Variants in EHBP1 observed in about 807,000 individuals in gnomAD.
EHBP1 encodes EH domain-binding protein 1.
A neutral mutation model predicts 144.0 loss-of-function variants in EHBP1; 55 were observed. The observed-to-expected ratio is 0.38, with a 90% CI of 0.31 to 0.48. The LOEUF (loss-of-function observed/expected upper bound fraction) is 0.48, where lower values mean the gene tolerates loss of function less well. EHBP1 is among the 20% of genes least tolerant of loss of function. EHBP1 has a pLI of 0.98. For synonymous variants in EHBP1, 469 were observed against 472.7 expected, an observed-to-expected ratio of 0.99 and a Z score of 0.10; for missense variants, 1,200 against 1,364.2, an observed-to-expected ratio of 0.88 and a Z score of 1.90.
chr2:62,857,201 A>G (rs145352587), intron 7 of EHBP1, among the ~76,000 whole-genome samples: 106 of 152,084 alleles, frequency 7.0e-4, no homozygotes, highest in African/African-American at 2.3e-3. Flanking sequence ...TGCTTTAAGC[A>G]AAAAAAACCT....
At chr2:62,866,808 A>G (rs2050080124) in intron 9 of EHBP1, among the ~76,000 whole-genome samples, 1 of 152,142 alleles carries the variant, frequency 6.6e-6, no homozygotes, top group Non-Finnish European at 1.5e-5. Flanking sequence ...TATTTGAAGA[A>G]GTAAACACCA....
At chr2:62,686,218 C>T (rs906998093) in intron 1 of EHBP1, among the ~76,000 whole-genome samples, 2 of 152,210 alleles carry the variant, frequency 1.3e-5, no homozygotes, top group African/African-American at 2.4e-5. Flanking sequence ...CATTAAACCA[C>T]AGGTCCTTTG....
In EHBP1 at chr2:62,896,984, T is replaced by C. The variant is rs114472587; in HGVS notation, c.1185+22452T>C. Among the ~76,000 whole-genome samples the C allele has an allele frequency of 2.7e-3, 412 of 152,292 alleles. 3 individuals carry two copies. Among genetic ancestry groups the C allele is most frequent in the African/African-American group, 9.3e-3 (385 of 41,556 alleles). ...AGAATTGTTTTAGCTAGATAACATATTAATATGGTTCAAAAATCAAAATAA... is the reference window on the plus strand; with the variant it reads ...AGAATTGTTTTAGCTAGATAACATACTAATATGGTTCAAAAATCAAAATAA... On this transcript the variant is annotated intron_variant, in intron 10 of 22. Coordinates refer to ENST00000431489, the MANE Select transcript of EHBP1 (RefSeq NM_001142616.3).
At chr2:62,855,613 C>G (rs2048994344) in intron 7 of EHBP1, among the ~76,000 whole-genome samples, 2 of 152,180 alleles carry the variant, frequency 1.3e-5, no homozygotes, top group African/African-American at 2.4e-5. Flanking sequence ...TTCCTCTTCT[C>G]TGAGGCCCAT....
intron 7 of EHBP1, among the ~76,000 whole-genome samples, chr2:62,843,112 C>G (rs967658304): frequency 2.0e-5 from 3 of 152,134 alleles, no homozygotes; most frequent in Non-Finnish European, 2.9e-5. Flanking sequence ...CTTTGGATGC[C>G]TCTATTTTGT....
chr2:62,771,507 T>G (rs2041659499), intron 5 of EHBP1, 115 bp downstream of exon 5: 1 of 717,778 alleles, frequency 1.4e-6, no homozygotes, highest in African/African-American at 1.8e-5. Context: ...AATTAAATAG[T>G]GATTTGTAGC....
chr2:62,992,600 T>C (rs1334096117), intron 16 of EHBP1, among the ~76,000 whole-genome samples: 1 of 152,200 alleles, frequency 6.6e-6, no homozygotes, highest in Non-Finnish European at 1.5e-5. Flanking sequence ...GGTTTTAATT[T>C]TTTTTAATAA....
rs567280602 is a variant in EHBP1 at position 63,037,628 on chromosome 2, C to G, written c.3197C>G (p.Ser1066Cys). The G allele has an allele frequency of 7.6e-6, 12 of 1,582,430 alleles. No homozygotes were observed. The highest frequency in any genetic ancestry group is 2.3e-5 in the East Asian group (1 of 44,094). ...TTAATAAGGAGAATGAATCAGCTCT[C>G]TCTTCTGTAAGTACTCATCATTATG... Reference protein sequence around the residue: ...NALIRRMNQLSLLEKEHDLER... With the variant: ...NALIRRMNQLCLLEKEHDLER... The change falls in exon 20 of 23, where the codon TCT becomes TGT. Residue 1066 changes from serine to cysteine, a missense_variant. By Grantham distance (112) the Ser-to-Cys change is moderately radical (BLOSUM62 -1). Transcript: ENST00000431489.
intron 3 of EHBP1, among the ~76,000 whole-genome samples, chr2:62,751,231 A>G (rs1338478229): frequency 1.3e-5 from 2 of 152,166 alleles, no homozygotes; most frequent in African/African-American, 4.8e-5. Context: ...TTCTGCATCT[A>G]TTGAGATAAT....
At position 63,000,093 on chromosome 2, in the gene EHBP1, G is replaced by T. The variant is rs563010227; in HGVS notation, c.3103+3327G>T. Among the ~76,000 whole-genome samples the T allele has an allele frequency of 5.3e-5, 8 of 152,276 alleles. No homozygotes were observed. In the South Asian group the frequency reaches 1.2e-3, roughly 24 times the overall value. Reference sequence around the variant, plus strand: ...TGATGCTGAAGCTACTTACATCCTGGGGGGAGGCAGGATGGGTGGGGCCTG... The same window carrying T: ...TGATGCTGAAGCTACTTACATCCTGTGGGGAGGCAGGATGGGTGGGGCCTG... On this transcript the variant is annotated intron_variant, in intron 19 of 22. Transcript: ENST00000431489.
At chr2:62,951,534 T>TGGGG (rs70962799) in intron 13 of EHBP1, among the ~76,000 whole-genome samples, 29 of 92,346 alleles carry the variant, frequency 3.1e-4, no homozygotes, top group Non-Finnish European at 4.4e-4. Context: ...TTTTTTTTTT[T>TGGGG]GGGGGGGGGG....
At chr2:62,765,078 AAGG>A (rs1460046154) in intron 4 of EHBP1, among the ~76,000 whole-genome samples, 1 of 152,152 alleles carries the variant, frequency 6.6e-6, no homozygotes, top group Non-Finnish European at 1.5e-5. Flanking sequence ...AGTGCTAAGA[AAGG>A]AGACAGTAGA....
rs146094999 is a variant in EHBP1, at chr2:62,727,805, A to G, written c.105-19590A>G. On this transcript the variant is annotated intron_variant, in intron 2 of 22. Transcript: ENST00000431489. ...GATCACAGGCTCTTTGGCTCCCTGT[A>G]TAATAAAAATTAACATAGGGCCAAG... Among the ~76,000 whole-genome samples the G allele has an allele frequency of 1.8e-4, 28 of 152,326 alleles. No homozygotes were observed. In the East Asian group the frequency reaches 4.0e-3, roughly 22 times the overall value.
chr2:62,810,714 G>A (rs919709248), intron 5 of EHBP1, among the ~76,000 whole-genome samples: 12 of 152,174 alleles, frequency 7.9e-5, no homozygotes, highest in African/African-American at 2.7e-4. Context: ...TAATACTTGG[G>A]TACCAGGTCT....
At chr2:62,795,491 A>T (rs371657484) in intron 5 of EHBP1, among the ~76,000 whole-genome samples, 1 of 151,628 alleles carries the variant, frequency 6.6e-6, no homozygotes, top group South Asian at 2.1e-4. Context: ...CCTCAGTCCA[A>T]CTCCTTTCTC....
chr2:62,908,542 A>G (rs890324332), intron 10 of EHBP1, among the ~76,000 whole-genome samples: 13 of 152,062 alleles, frequency 8.5e-5, no homozygotes, highest in Non-Finnish European at 1.6e-4. Context: ...CTTTTTTAAT[A>G]TAGGTGTTCA....
At chr2:63,029,365 A>G (rs2061132608) in intron 19 of EHBP1, among the ~76,000 whole-genome samples, 1 of 151,810 alleles carries the variant, frequency 6.6e-6, no homozygotes, top group Non-Finnish European at 1.5e-5. Flanking sequence ...AAGATTAAAA[A>G]TACAATTTGT....
chr2:62,850,877 A>G (rs954116113), intron 7 of EHBP1, among the ~76,000 whole-genome samples: 1 of 152,322 alleles, frequency 6.6e-6, no homozygotes, highest in East Asian at 1.9e-4. Context: ...GGAGAAATAC[A>G]TAACAAAATT....
chr2:62,756,007 T>G (rs2040243935), intron 3 of EHBP1, among the ~76,000 whole-genome samples: 1 of 152,064 alleles, frequency 6.6e-6, no homozygotes, highest in Non-Finnish European at 1.5e-5. Context: ...GTTGTGGTGC[T>G]TCACGCCTGT....
Sources: gnomAD v4.1 joint callset for allele counts (sites outside exome capture counted in the v4.1 genomes callset) on GRCh38, gnomAD v4.1.1 for gene constraint, MANE v1.5 for transcripts, NCBI Gene and HGNC (gene_info 2026-07-23, HGNC 2026-07-21) for gene names.